DMD: variants seen among roughly 807,000 people sequenced by gnomAD.
DMD encodes the protein dystrophin.
Under a neutral mutation model 330.1 loss-of-function variants are expected in DMD, and 63 were observed. The ratio of observed to expected loss-of-function variants is 0.19; its 90% CI spans 0.16 to 0.24. The LOEUF (loss-of-function observed/expected upper bound fraction) is 0.24, where lower values mean the gene tolerates loss of function less well. DMD is among the 10% of genes least tolerant of loss of function. DMD has a pLI of 1.00. For synonymous variants in DMD, 1,223 were observed against 959.8 expected (o/e 1.27, Z -5.07); for missense variants, 3,344 against 2,684.1 (o/e 1.25, Z -5.43).
At chrX:33,133,223 T>C in intron 1 of DMD, among the ~76,000 whole-genome samples, 1 of 111,525 alleles carries the variant, frequency 9.0e-6, no homozygotes, top group East Asian at 2.8e-4. Context: ...ACCTAGCACC[T>C]ATATGTAGTA....
Position 32,142,558 on chromosome X carries a change from TCTGA to T in DMD, c.6438+74354_6438+74357del, listed in dbSNP as rs1450331425. 2.7e-5 allele frequency among the ~76,000 whole-genome samples: 3 copies of T among 112,343 alleles called. No individual in the cohort carries two copies. In the Admixed American group the frequency reaches 2.8e-4, roughly 11 times the overall value. Reference sequence around the variant, plus strand: ...CACAGGACATTATAATTTTAAAACATCTGACTAAGTCCATGATAATATGGAACCA... The same window carrying T: ...CACAGGACATTATAATTTTAAAACATCTAAGTCCATGATAATATGGAACCA... On this transcript the variant is annotated intron_variant, in intron 44 of 78. Transcript: ENST00000357033.
At chrX:31,224,124 C>T (rs147454460) in intron 63 of DMD, among the ~76,000 whole-genome samples, 4 of 112,050 alleles carry the variant, frequency 3.6e-5, no homozygotes, top group African/African-American at 1.3e-4. Flanking sequence ...TCCTTGAAGA[C>T]AAGAACTCTG....
chrX:32,472,444 T>C, intron 21 of DMD, 135 bp from the exon 22 acceptor site: 1 of 595,674 alleles, frequency 1.7e-6, no homozygotes, highest in Non-Finnish European at 2.6e-6. Context: ...GAAAAATATA[T>C]TTAATATGAT....
chrX:31,810,233 G>GA (rs1230296425), intron 50 of DMD, among the ~76,000 whole-genome samples: 59 of 110,983 alleles, frequency 5.3e-4, no homozygotes, highest in African/African-American at 1.7e-3. Flanking sequence ...GCCCACAACA[G>GA]AAAAATAGTA....
At chrX:32,932,926 G>T (rs1288108753) in intron 2 of DMD, among the ~76,000 whole-genome samples, 1 of 111,761 alleles carries the variant, frequency 8.9e-6, no homozygotes, top group Admixed American at 9.5e-5. Context: ...CCCAGATAGA[G>T]AATAACTATA....
chrX:32,871,620 A>C (rs1217838909), intron 2 of DMD, among the ~76,000 whole-genome samples: 1 of 111,674 alleles, frequency 9.0e-6, no homozygotes, highest in Non-Finnish European at 1.9e-5. Flanking sequence ...CGTAAATAAG[A>C]GCTGGGAAGA....
chrX:32,110,033 A>T (rs186021514), intron 44 of DMD, among the ~76,000 whole-genome samples: 1 of 111,938 alleles, frequency 8.9e-6, no homozygotes, highest in East Asian at 2.8e-4. Flanking sequence ...CTTTTATAAT[A>T]GTACAGCTTA....
chrX:32,961,883 T>A (rs1343256028), intron 2 of DMD, among the ~76,000 whole-genome samples: 1 of 112,074 alleles, frequency 8.9e-6, no homozygotes, highest in Non-Finnish European at 1.9e-5. Context: ...TGCGTTAAGT[T>A]CTTTTTCCAG....
rs189145684 is a variant in DMD, at chrX:32,319,321, T to C, written c.5923-9045A>G. On this transcript the variant is annotated intron_variant, in intron 41 of 78. Coordinates refer to ENST00000357033, the MANE Select transcript of DMD (RefSeq NM_004006.3). ...TAACCTATAAATTAATAGATAAGGT[T>C]ATACACCCTAGCCAACTTATAAGGC... 1.6e-4 allele frequency among the ~76,000 whole-genome samples: 18 copies of C among 110,899 alleles called. 1 individual carries two copies. The East Asian group carries it at 3.1e-3, about 19-fold the overall frequency.
At chrX:31,430,793 CTTTTTT>C (rs565087970) in intron 60 of DMD, among the ~76,000 whole-genome samples, 10 of 48,336 alleles carry the variant, frequency 2.1e-4, no homozygotes, top group Admixed American at 7.7e-4. Context: ...AAGTTAAGGT[CTTTTTT>C]TTTTTTTTTT....
intron 41 of DMD, among the ~76,000 whole-genome samples, chrX:32,318,105 C>G (rs2097590762): frequency 1.8e-5 from 2 of 111,102 alleles, no homozygotes; most frequent in African/African-American, 6.5e-5. Flanking sequence ...AATGAAAAGG[C>G]AATGGGAAAG....
At position 32,411,921 on chromosome X, in the gene DMD, G is replaced by A; in HGVS notation, c.4072-8C>T. 8.3e-7 allele frequency: 1 copy of A among 1,209,226 alleles called. No homozygotes were observed. Among genetic ancestry groups the A allele is most frequent in the Non-Finnish European group, 1.1e-6 (1 of 893,802 alleles). On this transcript the variant is annotated splice_polypyrimidine_tract_variant and splice_region_variant and intron_variant, in intron 29 of 78. Coordinates refer to ENST00000357033, the MANE Select transcript of DMD (RefSeq NM_004006.3). ...CTTTTGCCTCCTTACAGCCTAAAAA[G>A]AAGGAATAAGAGTGTATCAGTTAAA... is the stretch of plus-strand genomic sequence containing the variant.
At chrX:32,212,243 G>C (rs954526881) in intron 44 of DMD, among the ~76,000 whole-genome samples, 3 of 111,993 alleles carry the variant, frequency 2.7e-5, no homozygotes, top group Non-Finnish European at 5.6e-5. Flanking sequence ...CTTATGCTTT[G>C]AGAAGAAATT....
intron 44 of DMD, among the ~76,000 whole-genome samples, chrX:32,157,115 C>A (rs1488655901): frequency 8.9e-6 from 1 of 112,157 alleles, no homozygotes; most frequent in Non-Finnish European, 1.9e-5. Context: ...TAAGCACACA[C>A]AAAACAAAAC....
intron 55 of DMD, among the ~76,000 whole-genome samples, chrX:31,527,172 T>C (rs2073308325): frequency 9.0e-6 from 1 of 111,605 alleles, no homozygotes. Context: ...ATTGATAGGA[T>C]TTCCAAGAAT....
At chrX:32,419,613 T>C (rs987799876) in intron 29 of DMD, among the ~76,000 whole-genome samples, 1 of 112,401 alleles carries the variant, frequency 8.9e-6, no homozygotes, top group Non-Finnish European at 1.9e-5. Context: ...ATTTATGTTT[T>C]GTTAATGTCA....
At chrX:32,735,068 C>G (rs1434856541) in intron 7 of DMD, among the ~76,000 whole-genome samples, 5 of 110,706 alleles carry the variant, frequency 4.5e-5, no homozygotes, top group Non-Finnish European at 9.4e-5. Context: ...TCAGCAAAGT[C>G]TCAGGATACA....
At chrX:32,288,541 C>T (rs996628444) in intron 42 of DMD, among the ~76,000 whole-genome samples, 1 of 111,567 alleles carries the variant, frequency 9.0e-6, no homozygotes, top group Non-Finnish European at 1.9e-5. Context: ...CGCTCTTTCC[C>T]CCCTACTGGA....
chrX:32,533,916 C>A (rs778806341), intron 17 of DMD, among the ~76,000 whole-genome samples: 1 of 111,344 alleles, frequency 9.0e-6, no homozygotes, highest in East Asian at 2.8e-4. Context: ...ACTTCCAACC[C>A]GGGTTCCAAA....
Sources: gnomAD v4.1 joint callset for allele counts (sites outside exome capture counted in the v4.1 genomes callset) on GRCh38, gnomAD v4.1.1 for gene constraint, MANE v1.5 for transcripts, NCBI Gene and HGNC (gene_info 2026-07-23, HGNC 2026-07-21) for gene names.